Variants in ERG observed in about 807,000 individuals in gnomAD.
ERG encodes transcriptional regulator ERG.
Under a neutral mutation model 55.3 loss-of-function variants are expected in ERG, and 9 were observed. The observed-to-expected ratio is 0.16, with a 90% CI of 0.10 to 0.28. The LOEUF (loss-of-function observed/expected upper bound fraction) is 0.28. ERG is among the 10% of genes least tolerant of loss of function. The pLI is 1.00. For synonymous variants in ERG, 223 were observed against 237.3 expected (o/e 0.94, Z 0.55); for missense variants, 434 against 631.6 (o/e 0.69, Z 3.35).
intron 1 of ERG, among the ~76,000 whole-genome samples, chr21:38,626,616 T>C (rs2060326106): frequency 6.6e-6 from 1 of 152,166 alleles, no homozygotes; most frequent in South Asian, 2.1e-4. Flanking sequence ...GAAGCACTTA[T>C]TTTCATAACT....
intron 6 of ERG, among the ~76,000 whole-genome samples, chr21:38,398,615 G>A (rs1334815676): frequency 6.6e-6 from 1 of 152,104 alleles, no homozygotes; most frequent in Non-Finnish European, 1.5e-5. Context: ...CCTTCCCTGG[G>A]TTGGGCAGAG....
chr21:38,482,445 A>G (rs1003667044), intron 1 of ERG, among the ~76,000 whole-genome samples: 3 of 152,200 alleles, frequency 2.0e-5, no homozygotes, highest in African/African-American at 7.2e-5. Context: ...ACACTGTGGA[A>G]AAAAGTATGG....
intron 1 of ERG, among the ~76,000 whole-genome samples, chr21:38,598,232 A>G (rs2060143558): frequency 6.6e-6 from 1 of 152,184 alleles, no homozygotes; most frequent in African/African-American, 2.4e-5. Flanking sequence ...ATTTCCAACC[A>G]TCTGATGCCA....
intron 2 of ERG, among the ~76,000 whole-genome samples, chr21:38,563,501 A>G (rs1049397513): frequency 6.6e-6 from 1 of 152,232 alleles, no homozygotes; most frequent in Admixed American, 6.5e-5. Flanking sequence ...GCGCAGACAC[A>G]TGGTCCGTGA....
intron 1 of ERG, among the ~76,000 whole-genome samples, chr21:38,476,853 G>A (rs1331369632): frequency 6.6e-6 from 1 of 152,078 alleles, no homozygotes; most frequent in African/African-American, 2.4e-5. Flanking sequence ...GTGTGAGTGG[G>A]CTGAGGTTAT....
At position 38,443,322 on chromosome 21, in the gene ERG, T is replaced by A. The variant is rs8134404; in HGVS notation, c.236+2082A>T. 2.5e-3 allele frequency among the ~76,000 whole-genome samples: 380 copies of A among 152,318 alleles called. 2 individuals are homozygous for A. Among genetic ancestry groups the A allele is most frequent in the African/African-American group, 8.8e-3 (364 of 41,580 alleles). On this transcript the variant is annotated intron_variant, in intron 2 of 9. Transcript: ENST00000288319. Reference sequence around the variant, plus strand: ...CATCTCAGTGCCCTTTTGTCTGAGATGTTTCCTTCCTCTCTCCCCACCTTC... The same window carrying A: ...CATCTCAGTGCCCTTTTGTCTGAGAAGTTTCCTTCCTCTCTCCCCACCTTC...
At chr21:38,643,977 G>A (rs951127758) in intron 1 of ERG, among the ~76,000 whole-genome samples, 1 of 152,216 alleles carries the variant, frequency 6.6e-6, no homozygotes, top group African/African-American at 2.4e-5. Context: ...GGTCCCAAGG[G>A]ACAGTCCCCT....
At chr21:38,537,921 G>A (rs1244114017) in intron 2 of ERG, among the ~76,000 whole-genome samples, 1 of 152,150 alleles carries the variant, frequency 6.6e-6, no homozygotes, top group Non-Finnish European at 1.5e-5. Context: ...CAGATGAGTG[G>A]ATAAACAAAA....
At chr21:38,660,975 G>C (rs1054720534) in intron 1 of ERG, among the ~76,000 whole-genome samples, 1 of 152,040 alleles carries the variant, frequency 6.6e-6, no homozygotes, top group Non-Finnish European at 1.5e-5. Context: ...GGTTTAGGAC[G>C]CGGCTGGCGG....
chr21:38,447,713 CT>C (rs1308092516), intron 1 of ERG, among the ~76,000 whole-genome samples: 1 of 151,944 alleles, frequency 6.6e-6, no homozygotes, highest in Non-Finnish European at 1.5e-5. Flanking sequence ...CAGATACTCC[CT>C]TCCCATGGTG....
chr21:38,564,205 C>T (rs1246332694), intron 2 of ERG, among the ~76,000 whole-genome samples: 1 of 151,804 alleles, frequency 6.6e-6, no homozygotes. Flanking sequence ...ATGACTTTGT[C>T]GGTGGGTTTT....
intron 6 of ERG, among the ~76,000 whole-genome samples, chr21:38,394,574 G>A (rs1312273544): frequency 1.3e-5 from 2 of 151,926 alleles, no homozygotes; most frequent in Non-Finnish European, 2.9e-5. Context: ...GGATGGTCTC[G>A]CTCTCCTGAC....
chr21:38,646,018 C>A lies in ERG; in HGVS notation c.-150+15640G>T, dbSNP rs533690981. 3.9e-5 allele frequency among the ~76,000 whole-genome samples: 6 copies of A among 152,282 alleles called. No homozygotes were observed. The South Asian group carries it at 1.2e-3, about 32-fold the overall frequency. ...TCTTGACTGGGTGTGGTGGCTCACGCCTGTAATCCCAACACTCTGAGAGGC... is the reference window on the plus strand; with the variant it reads ...TCTTGACTGGGTGTGGTGGCTCACGACTGTAATCCCAACACTCTGAGAGGC... On this transcript the variant is annotated intron_variant, in intron 1 of 10. Transcript: ENST00000398910.
At chr21:38,433,173 G>T (rs1573263) in intron 2 of ERG, among the ~76,000 whole-genome samples, 1 of 152,040 alleles carries the variant, frequency 6.6e-6, no homozygotes, top group African/African-American at 2.4e-5. Context: ...TGCCCAGCAG[G>T]GTGCATGTTT....
chr21:38,513,138 A>AAT (rs1555849166), intron 2 of ERG, among the ~76,000 whole-genome samples: 2 of 151,626 alleles, frequency 1.3e-5, no homozygotes, highest in African/African-American at 2.4e-5. Context: ...TCAAAAAAAA[A>AAT]AATAATAATA....
intron 2 of ERG, among the ~76,000 whole-genome samples, chr21:38,529,441 G>C (rs2059656073): frequency 6.6e-6 from 1 of 152,148 alleles, no homozygotes; most frequent in South Asian, 2.1e-4. Flanking sequence ...ATGAGGGAAA[G>C]AGGATTAAAG....
At chr21:38,553,615 TA>T (rs2059838538) in intron 2 of ERG, among the ~76,000 whole-genome samples, 1 of 152,134 alleles carries the variant, frequency 6.6e-6, no homozygotes, top group South Asian at 2.1e-4. Flanking sequence ...AGTGCTTGGA[TA>T]ACTAGCTAGC....
chr21:38,652,423 G>T (rs1238077161), intron 1 of ERG, among the ~76,000 whole-genome samples: 1 of 152,186 alleles, frequency 6.6e-6, no homozygotes, highest in Non-Finnish European at 1.5e-5. Flanking sequence ...ACTCAAAGTG[G>T]TCTACAAGGA....
At chr21:38,590,838 A>G (rs1337015514) in intron 1 of ERG, among the ~76,000 whole-genome samples, 2 of 152,214 alleles carry the variant, frequency 1.3e-5, no homozygotes, top group Admixed American at 6.5e-5. Flanking sequence ...AAAAAATCAC[A>G]AATGCCAACT....
Sources: gnomAD v4.1 joint callset for allele counts (sites outside exome capture counted in the v4.1 genomes callset) on GRCh38, gnomAD v4.1.1 for gene constraint, MANE v1.5 for transcripts, NCBI Gene and HGNC (gene_info 2026-07-23, HGNC 2026-07-21) for gene names.